GALNTL6: variants seen among roughly 807,000 people sequenced by gnomAD.
GALNTL6 encodes the protein polypeptide N-acetylgalactosaminyltransferase-like 6.
In GALNTL6, 46 loss-of-function variants were observed where a neutral mutation model predicts 73.7. The observed-to-expected ratio is 0.62, with a 90% CI of 0.49 to 0.80. GALNTL6 has a LOEUF of 0.80. GALNTL6 is among the 30% of genes least tolerant of loss of function. The pLI is 0.00. For synonymous variants in GALNTL6, 259 were observed against 263.7 expected (o/e 0.98, Z 0.17); for missense variants, 604 against 755.0 (o/e 0.80, Z 2.34).
intron 2 of GALNTL6, among the ~76,000 whole-genome samples, chr4:172,018,558 T>C (rs1184146845): frequency 6.6e-6 from 1 of 152,034 alleles, no homozygotes; most frequent in Non-Finnish European, 1.5e-5. Flanking sequence ...GCTCCCTCAG[T>C]ATCCTATTAA....
intron 2 of GALNTL6, among the ~76,000 whole-genome samples, chr4:172,034,096 C>A (rs1741852020): frequency 6.6e-6 from 1 of 152,162 alleles, no homozygotes; most frequent in African/African-American, 2.4e-5. Flanking sequence ...ACCATTCTAA[C>A]AAGGCATAAT....
At position 172,647,374 on chromosome 4, in the gene GALNTL6, T is replaced by C. The variant is rs113700408; in HGVS notation, c.554-161987T>C. On this transcript the variant is annotated intron_variant, in intron 5 of 12. Coordinates refer to ENST00000506823, the MANE Select transcript of GALNTL6 (RefSeq NM_001034845.3). ...TGTATTATATCACGTAGAATGAAAG[T>C]ACAAAGCAAAGATCACTAAAATTTC... Among the ~76,000 whole-genome samples, 209 of 152,250 alleles carry C rather than the reference T, an allele frequency of 1.4e-3. 1 individual carries two copies. The highest frequency in any genetic ancestry group is 2.4e-3 in the Non-Finnish European group (164 of 68,000).
chr4:172,598,380 A>T (rs1393984991), intron 5 of GALNTL6, among the ~76,000 whole-genome samples: 1 of 152,164 alleles, frequency 6.6e-6, no homozygotes. Flanking sequence ...TGGCTCATTC[A>T]TAACAGCAAA....
At chr4:172,370,113 AAG>A (rs1313118825) in intron 5 of GALNTL6, among the ~76,000 whole-genome samples, 1 of 152,116 alleles carries the variant, frequency 6.6e-6, no homozygotes, top group African/African-American at 2.4e-5. Context: ...AGGGGTGAAG[AAG>A]GGGCCCTGCA....
At chr4:171,944,645 T>C (rs935309628) in intron 2 of GALNTL6, among the ~76,000 whole-genome samples, 4 of 152,090 alleles carry the variant, frequency 2.6e-5, no homozygotes, top group African/African-American at 9.6e-5. Flanking sequence ...TTCTAATCCA[T>C]CTTAGACAGG....
Position 172,355,515 on chromosome 4 carries a change from T to C in GALNTL6, c.553+6826T>C, listed in dbSNP as rs566211860. ...TAGGTTGTATCTTAGTTATCACATG[T>C]AGTATTACAGCAAATTCCACAGTAG... On this transcript the variant is annotated intron_variant, in intron 5 of 12. Transcript: ENST00000506823. 1.2e-4 allele frequency among the ~76,000 whole-genome samples: 18 copies of C among 152,224 alleles called. No homozygotes were observed. In the East Asian group the frequency reaches 3.5e-3, roughly 29 times the overall value.
At chr4:171,842,614 C>T (rs1198154829) in intron 2 of GALNTL6, among the ~76,000 whole-genome samples, 1 of 152,018 alleles carries the variant, frequency 6.6e-6, no homozygotes, top group East Asian at 1.9e-4. Flanking sequence ...ATCGACATGT[C>T]ATATGGTGAG....
chr4:172,052,217 C>T (rs185639844), intron 2 of GALNTL6, among the ~76,000 whole-genome samples: 17 of 152,270 alleles, frequency 1.1e-4, no homozygotes, highest in African/African-American at 3.8e-4. Flanking sequence ...TCTTATATCC[C>T]GGTCATGGAA....
intron 5 of GALNTL6, among the ~76,000 whole-genome samples, chr4:172,515,320 T>A (rs1009246195): frequency 1.3e-5 from 2 of 152,248 alleles, no homozygotes; most frequent in Non-Finnish European, 2.9e-5. Flanking sequence ...CTTAGCTTGC[T>A]GACACTGGGT....
At chr4:171,946,084 C>T (rs1325613950) in intron 2 of GALNTL6, among the ~76,000 whole-genome samples, 2 of 152,070 alleles carry the variant, frequency 1.3e-5, no homozygotes, top group Admixed American at 6.6e-5. Context: ...AGCAGCTTAA[C>T]AGATAGAATT....
At chr4:172,490,967 T>C (rs1733873581) in intron 5 of GALNTL6, among the ~76,000 whole-genome samples, 1 of 152,090 alleles carries the variant, frequency 6.6e-6, no homozygotes, top group Non-Finnish European at 1.5e-5. Context: ...GGGCTAGGGA[T>C]AAATCAGTGA....
At chr4:172,630,844 A>G (rs1020913548) in intron 5 of GALNTL6, among the ~76,000 whole-genome samples, 3 of 150,794 alleles carry the variant, frequency 2.0e-5, no homozygotes, top group African/African-American at 4.9e-5. Context: ...GTGGAAAAGC[A>G]TATATGTTAT....
intron 4 of GALNTL6, among the ~76,000 whole-genome samples, chr4:172,334,111 T>C (rs1415325540): frequency 1.3e-5 from 2 of 151,848 alleles, no homozygotes; most frequent in African/African-American, 2.4e-5. Context: ...TTACTACACT[T>C]TACTCTACTC....
chr4:173,027,741 G>A (rs530074257), intron 12 of GALNTL6, among the ~76,000 whole-genome samples: 77 of 152,170 alleles, frequency 5.1e-4, no homozygotes, highest in African/African-American at 1.9e-3. Context: ...AATAAGAATT[G>A]GAAAGGAAGA....
At chr4:172,564,107 C>T (rs1031452690) in intron 5 of GALNTL6, among the ~76,000 whole-genome samples, 4 of 152,156 alleles carry the variant, frequency 2.6e-5, no homozygotes, top group Non-Finnish European at 5.9e-5. Context: ...ATTACCCTCT[C>T]GTGTCTTAAA....
chr4:172,822,670 A>G (rs533335801), intron 7 of GALNTL6, among the ~76,000 whole-genome samples: 75 of 152,294 alleles, frequency 4.9e-4, no homozygotes, highest in African/African-American at 1.7e-3. Flanking sequence ...CTAGACCTCC[A>G]GTACCACCCA....
At chr4:172,134,830 C>A (rs547016824) in intron 2 of GALNTL6, among the ~76,000 whole-genome samples, 54 of 152,296 alleles carry the variant, frequency 3.5e-4, no homozygotes, top group African/African-American at 1.3e-3. Flanking sequence ...ACAAAGATTT[C>A]TTCCATCATG....
At chr4:172,709,537 TC>T (rs1171629175) in intron 5 of GALNTL6, among the ~76,000 whole-genome samples, 1 of 152,114 alleles carries the variant, frequency 6.6e-6, no homozygotes, top group African/African-American at 2.4e-5. Flanking sequence ...AACAAACAGT[TC>T]AGAGACTGTC....
intron 5 of GALNTL6, among the ~76,000 whole-genome samples, chr4:172,609,290 T>A (rs1223642733): frequency 3.9e-5 from 6 of 152,208 alleles, no homozygotes; most frequent in Non-Finnish European, 8.8e-5. Context: ...TTGTCATAGA[T>A]GGCTCTTATT....
Sources: allele counts gnomAD v4.1 joint callset (sites outside exome capture counted in the v4.1 genomes callset), GRCh38; gene constraint gnomAD v4.1.1; transcripts MANE v1.5; gene names NCBI Gene and HGNC (gene_info 2026-07-23, HGNC 2026-07-21).